RASSF8: variants seen among roughly 807,000 people sequenced by gnomAD.
RASSF8 encodes the protein ras association domain-containing protein 8.
A neutral mutation model predicts 48.5 loss-of-function variants in RASSF8; 22 were observed. The ratio of observed to expected loss-of-function variants is 0.45; its 90% CI spans 0.32 to 0.65. The LOEUF (loss-of-function observed/expected upper bound fraction) is 0.65. Among genes scored for constraint, RASSF8 ranks in the 30% least tolerant of loss-of-function variants. The pLI is 0.03. For missense variants in RASSF8, 418 were observed against 489.2 expected, an observed-to-expected ratio of 0.85 and a Z score of 1.37; for synonymous variants, 127 against 171.5, an observed-to-expected ratio of 0.74 and a Z score of 2.03.
chr12:26,025,517 G>C (rs1052650299), intron 2 of RASSF8, among the ~76,000 whole-genome samples: 3 of 145,568 alleles, frequency 2.1e-5, no homozygotes, highest in Admixed American at 7.0e-5. Flanking sequence ...AGCCGAGATC[G>C]CACCGCTGCA....
intron 1 of RASSF8, among the ~76,000 whole-genome samples, chr12:25,982,920 A>G (rs936564532): frequency 1.3e-5 from 2 of 152,224 alleles, no homozygotes; most frequent in African/African-American, 2.4e-5. Flanking sequence ...AGGTGGTCCA[A>G]AGAAAAGGCA....
chr12:26,071,676 A>G lies in RASSF8; in HGVS notation c.*2858A>G, dbSNP rs1306969839. ...CACAGGGACTTTTTTATAATATGAG[A>G]CTTCAGTTGGTATTAATAGGAGTTA... On this transcript the variant is annotated 3_prime_UTR_variant, in exon 6 of 6. Coordinates refer to ENST00000689635, the MANE Select transcript of RASSF8 (RefSeq NM_001394098.1). 2.0e-6 allele frequency: 2 copies of G among 983,306 alleles called. No individual in the cohort carries two copies. The highest frequency in any genetic ancestry group is 2.4e-6 in the Non-Finnish European group (2 of 828,260). The allele number at this position is 983,306 out of a possible 1,614,324, so 60.9% of individuals were successfully genotyped here. A position where few individuals can be genotyped will look rare whatever the true frequency, so the allele number is the denominator to read the frequency against.
At chr12:25,978,303 C>T (rs997865705) in intron 1 of RASSF8, among the ~76,000 whole-genome samples, 3 of 152,154 alleles carry the variant, frequency 2.0e-5, no homozygotes, top group African/African-American at 4.8e-5. Flanking sequence ...CTAAATATAA[C>T]ATCCTTATAT....
At chr12:26,049,650 A>G (rs1591800847) in intron 2 of RASSF8, among the ~76,000 whole-genome samples, 1 of 152,232 alleles carries the variant, frequency 6.6e-6, no homozygotes, top group East Asian at 1.9e-4. Context: ...TCAGTAAGCT[A>G]TCTGGAGCTG....
intron 2 of RASSF8, among the ~76,000 whole-genome samples, chr12:26,026,918 T>C (rs1942926398): frequency 6.6e-6 from 1 of 152,186 alleles, no homozygotes; most frequent in Admixed American, 6.5e-5. Context: ...GAAGTTAAAA[T>C]ATATGTCCAT....
intron 3 of RASSF8, among the ~76,000 whole-genome samples, chr12:26,058,189 A>G (rs1295656395): frequency 6.6e-6 from 1 of 152,208 alleles, no homozygotes; most frequent in Non-Finnish European, 1.5e-5. Context: ...GTTTTATGAT[A>G]TTCCTCCAAA....
rs1487095770 is a variant in RASSF8, at chr12:26,071,846, T to C, written c.*3028T>C. The stretch of plus-strand genomic sequence containing the variant: ...AAAATAGAATTTATGGTGTGAAATA[T>C]GAAGTATAGCAATATATAACAAGAA... On this transcript the variant is annotated 3_prime_UTR_variant, in exon 6 of 6. Coordinates refer to ENST00000689635, the MANE Select transcript of RASSF8 (RefSeq NM_001394098.1). 1 of 983,818 alleles carries C rather than the reference T, an allele frequency of 1.0e-6. No individual in the cohort carries two copies. Among genetic ancestry groups the C allele is most frequent in the African/African-American group, 1.7e-5 (1 of 57,194 alleles). 60.9% of individuals were successfully genotyped at this position (983,818 alleles called of 1,614,324 possible). A position where few individuals can be genotyped will look rare whatever the true frequency, so the allele number is the denominator to read the frequency against.
chr12:26,035,572 A>T, intron 2 of RASSF8, among the ~76,000 whole-genome samples: 1 of 138,986 alleles, frequency 7.2e-6, no homozygotes, highest in African/African-American at 2.6e-5. Flanking sequence ...TATATTATAT[A>T]TTGTATATAT....
intron 5 of RASSF8, 152 bp downstream of exon 5, chr12:26,067,865 A>G: frequency 1.0e-6 from 1 of 980,706 alleles, no homozygotes; most frequent in Non-Finnish European, 1.5e-6. Flanking sequence ...TCCTGGGCTC[A>G]GGTGACCCTC....
At chr12:26,002,631 C>T (rs954063231) in intron 2 of RASSF8, among the ~76,000 whole-genome samples, 1 of 152,112 alleles carries the variant, frequency 6.6e-6, no homozygotes, top group Non-Finnish European at 1.5e-5. Context: ...AAAAATTAGC[C>T]AAGCGTGGTG....
intron 1 of RASSF8, among the ~76,000 whole-genome samples, chr12:25,993,911 T>C (rs1370410692): frequency 6.6e-6 from 1 of 152,226 alleles, no homozygotes; most frequent in African/African-American, 2.4e-5. Flanking sequence ...TTGTTACAAC[T>C]GTAACACTAT....
At chr12:26,022,090 G>T (rs922675290) in intron 2 of RASSF8, among the ~76,000 whole-genome samples, 5 of 152,170 alleles carry the variant, frequency 3.3e-5, no homozygotes, top group African/African-American at 1.2e-4. Flanking sequence ...AGTTTATTTG[G>T]ATGAGACTGT....
chr12:26,051,650 T>C (rs995661562), intron 2 of RASSF8, among the ~76,000 whole-genome samples: 2 of 152,206 alleles, frequency 1.3e-5, no homozygotes, highest in African/African-American at 4.8e-5. Context: ...TCCGGTACTG[T>C]TTTATGCACT....
At chr12:26,034,386 A>G in intron 2 of RASSF8, among the ~76,000 whole-genome samples, 1 of 145,674 alleles carries the variant, frequency 6.9e-6, no homozygotes, top group South Asian at 2.3e-4. Flanking sequence ...CATAAAATAC[A>G]CTAACAATAG....
At chr12:26,078,631 C>T (rs1211601608) in intron 5 of RASSF8, among the ~76,000 whole-genome samples, 2 of 152,194 alleles carry the variant, frequency 1.3e-5, no homozygotes, top group Non-Finnish European at 2.9e-5. Flanking sequence ...TTGAATTACC[C>T]TTAATTCTTC....
chr12:26,055,182 A>C (rs867270885), intron 2 of RASSF8, 54 bp from the exon 3 acceptor site: 40 of 628,416 alleles, frequency 6.4e-5, no homozygotes, highest in Middle Eastern at 8.5e-4. Flanking sequence ...TTACATACTT[A>C]CTAGAAGAAA....
upstream of RASSF8, chr12:25,958,638 G>A (rs1478311234): frequency 7.0e-6 from 1 of 142,946 alleles, no homozygotes; most frequent in Admixed American, 6.9e-5. Flanking sequence ...CTGGCCGCCC[G>A]GCCCGGCCCG....
At position 25,997,571 on chromosome 12, in the gene RASSF8, A is replaced by G. The variant is rs77611349; in HGVS notation, c.-109+2441A>G. Among the ~76,000 whole-genome samples, 6 of 152,258 alleles carry G rather than the reference A, an allele frequency of 3.9e-5. No homozygotes were observed. In the East Asian group the frequency reaches 1.2e-3, roughly 29 times the overall value. On this transcript the variant is annotated intron_variant, in intron 2 of 5. Coordinates refer to ENST00000689635, the MANE Select transcript of RASSF8 (RefSeq NM_001394098.1). ...TGTTTTTACGGGTTTACATAGGGGC[A>G]TTTTTGAATAAAACTTGTAACGAGG... is the stretch of plus-strand genomic sequence containing the variant.
intron 1 of RASSF8, among the ~76,000 whole-genome samples, chr12:25,985,852 G>C (rs1941861398): frequency 6.6e-6 from 1 of 152,166 alleles, no homozygotes; most frequent in Admixed American, 6.5e-5. Context: ...GGCTGGATTC[G>C]TATGCTGACT....
Sources: allele counts gnomAD v4.1 joint callset (sites outside exome capture counted in the v4.1 genomes callset), GRCh38; gene constraint gnomAD v4.1.1; transcripts MANE v1.5; gene names NCBI Gene and HGNC (gene_info 2026-07-23, HGNC 2026-07-21).